Variants in SLC25A48 observed in about 807,000 individuals in gnomAD.
SLC25A48 encodes the protein CTC-321K16.1.
SLC25A48 carries 29 observed loss-of-function variants against 32.2 expected under a neutral mutation model. The observed-to-expected ratio is 0.90, with a 90% CI of 0.67 to 1.23. The LOEUF (loss-of-function observed/expected upper bound fraction) is 1.23. Among genes scored for constraint, SLC25A48 ranks in the 50% most tolerant of loss-of-function variants. SLC25A48 has a pLI of 0.00. For synonymous variants in SLC25A48, 164 were observed against 172.3 expected, an observed-to-expected ratio of 0.95 and a Z score of 0.38; for missense variants, 399 against 422.7, an observed-to-expected ratio of 0.94 and a Z score of 0.49.
intron 3 of SLC25A48, among the ~76,000 whole-genome samples, chr5:135,678,688 G>A (rs942939257): frequency 2.0e-5 from 3 of 152,306 alleles, no homozygotes; most frequent in South Asian, 2.1e-4. Context: ...AGGGACGGGG[G>A]TAATTTTTCC....
chr5:135,882,588 C>G (rs1312749690), intron 7 of SLC25A48, among the ~76,000 whole-genome samples: 1 of 152,160 alleles, frequency 6.6e-6, no homozygotes, highest in Non-Finnish European at 1.5e-5. Context: ...TTGCCAGGTG[C>G]CTTCCAACAA....
chr5:135,606,046 GA>G (rs948248969), intron 1 of SLC25A48, among the ~76,000 whole-genome samples: 22 of 149,932 alleles, frequency 1.5e-4, no homozygotes, highest in South Asian at 1.1e-3. Flanking sequence ...CTAGGGGAAA[GA>G]AAAAAAAAAT....
Position 135,852,579 on chromosome 5 carries a change from A to G in SLC25A48, c.179A>G (p.Lys60Arg). The G allele has an allele frequency of 1.3e-6, 2 of 1,596,010 alleles. No individual in the cohort carries two copies. The highest frequency in any genetic ancestry group is 1.7e-6 in the Non-Finnish European group (2 of 1,165,106). Residue 60 changes from lysine (K) to arginine (R), a missense_variant, in exon 4 of 8, where the codon AAG becomes AGG. Lys to Arg is a conservative substitution (Grantham distance 26). Transcript: ENST00000681962. ...YRRESMFGFF[K>R]GMSFPLASIA... is the part of the protein sequence containing the mutation. The stretch of plus-strand genomic sequence containing the variant: ...TCACTGCAGATGTTCGGCTTCTTCA[A>G]GGGCATGTCCTTCCCCCTCGCCAGC...
chr5:135,883,905 G>C (rs1334115141), intron 7 of SLC25A48, among the ~76,000 whole-genome samples: 1 of 152,112 alleles, frequency 6.6e-6, no homozygotes, highest in African/African-American at 2.4e-5. Flanking sequence ...TTGCTATTTT[G>C]CTGTTATGTG....
At chr5:135,838,063 G>A (rs1758677688) in intron 1 of SLC25A48, among the ~76,000 whole-genome samples, 1 of 152,194 alleles carries the variant, frequency 6.6e-6, no homozygotes, top group Non-Finnish European at 1.5e-5. Flanking sequence ...GTAGTGATAT[G>A]GACAATGAAG....
intron 4 of SLC25A48, among the ~76,000 whole-genome samples, chr5:135,854,993 GAGGGAGAGAGAT>G (rs1315918251): frequency 6.6e-6 from 1 of 152,230 alleles, no homozygotes; most frequent in Non-Finnish European, 1.5e-5. Context: ...AGCCTGAGGA[GAGGGAGAGAGAT>G]AGGGAATGGC....
upstream of SLC25A48, among the ~76,000 whole-genome samples, chr5:135,832,185 G>T (rs1239650524): frequency 3.3e-5 from 5 of 152,192 alleles, no homozygotes; most frequent in Admixed American, 3.3e-4. Context: ...CTGAAGCAAG[G>T]TGTGGGGGTT....
chr5:135,614,354 A>G (rs1263003265), intron 1 of SLC25A48, among the ~76,000 whole-genome samples: 1 of 152,178 alleles, frequency 6.6e-6, no homozygotes, highest in African/African-American at 2.4e-5. Flanking sequence ...ATCATATTAT[A>G]TGCAAACAAG....
At chr5:135,681,591 C>T (rs988957530) in intron 3 of SLC25A48, among the ~76,000 whole-genome samples, 1 of 152,190 alleles carries the variant, frequency 6.6e-6, no homozygotes, top group African/African-American at 2.4e-5. Flanking sequence ...TATTATCCTG[C>T]TTCTTGGCAA....
At chr5:135,817,209 A>T (rs1319035532) in intron 4 of SLC25A48, among the ~76,000 whole-genome samples, 3 of 152,136 alleles carry the variant, frequency 2.0e-5, no homozygotes, top group Admixed American at 6.6e-5. Flanking sequence ...TGATATTGGC[A>T]TCTAGTAGGT....
At chr5:135,724,932 C>G (rs2126986192) in intron 3 of SLC25A48, among the ~76,000 whole-genome samples, 1 of 152,362 alleles carries the variant, frequency 6.6e-6, no homozygotes, top group Non-Finnish European at 1.5e-5. Context: ...GTGAGGAACA[C>G]AGAACAGGGC....
chr5:135,654,227 G>A (rs747156957), intron 3 of SLC25A48, among the ~76,000 whole-genome samples: 3 of 152,222 alleles, frequency 2.0e-5, no homozygotes, highest in South Asian at 4.1e-4. Flanking sequence ...ATGGCATCAT[G>A]TATTGGTTGC....
At chr5:135,712,614 G>A (rs1324674188) in intron 3 of SLC25A48, among the ~76,000 whole-genome samples, 1 of 152,174 alleles carries the variant, frequency 6.6e-6, no homozygotes, top group East Asian at 1.9e-4. Context: ...GCTTATGCCT[G>A]GTTATTCCCT....
At chr5:135,706,712 C>T (rs184623414) in intron 3 of SLC25A48, among the ~76,000 whole-genome samples, 24 of 152,054 alleles carry the variant, frequency 1.6e-4, no homozygotes, top group South Asian at 6.3e-4. Context: ...CCTGGGAGGA[C>T]GAGAGGGGTA....
intron 3 of SLC25A48, among the ~76,000 whole-genome samples, chr5:135,799,831 G>A (rs534915290): frequency 2.6e-5 from 4 of 151,624 alleles, no homozygotes; most frequent in East Asian, 1.9e-4. Context: ...TTACAATATC[G>A]CAAAGAGTGT....
At chr5:135,799,495 T>C (rs1207200513) in intron 3 of SLC25A48, among the ~76,000 whole-genome samples, 1 of 151,542 alleles carries the variant, frequency 6.6e-6, no homozygotes, top group Non-Finnish European at 1.5e-5. Flanking sequence ...TTGTTCCCAA[T>C]ATCCAGGGGA....
intron 1 of SLC25A48, among the ~76,000 whole-genome samples, chr5:135,593,894 G>A (rs997159897): frequency 6.6e-6 from 1 of 152,212 alleles, no homozygotes; most frequent in Non-Finnish European, 1.5e-5. Flanking sequence ...AAATGTTGGA[G>A]TCAAGGCTTG....
chr5:135,804,343 A>G (rs577057075), intron 3 of SLC25A48, among the ~76,000 whole-genome samples: 3 of 151,898 alleles, frequency 2.0e-5, no homozygotes, highest in African/African-American at 7.2e-5. Context: ...ATTAAGAGTA[A>G]TATCTTCCTA....
At position 135,715,463 on chromosome 5, in the gene SLC25A48, A is replaced by G. The variant is rs187428027; in HGVS notation, c.-521+80507A>G. Among the ~76,000 whole-genome samples, 7 of 152,196 alleles carry G rather than the reference A, an allele frequency of 4.6e-5. No individual in the cohort carries two copies. The East Asian group carries it at 1.4e-3, about 30-fold the overall frequency. ...CCTTGGGATGGCTTCTGTTGACTTT[A>G]GTGGCCTTTCCCACCCCACCCCTTT... On this transcript the variant is annotated intron_variant, in intron 3 of 10. Coordinates refer to the SLC25A48 transcript ENST00000646290.
Sources: allele counts gnomAD v4.1 joint callset (sites outside exome capture counted in the v4.1 genomes callset), GRCh38; gene constraint gnomAD v4.1.1; transcripts MANE v1.5; gene names NCBI Gene and HGNC (gene_info 2026-07-23, HGNC 2026-07-21).